Variants in MYO16 observed in about 807,000 individuals in gnomAD.
The protein encoded by MYO16 is myosin XVI, also known as unconventional myosin-XVI.
MYO16 carries 94 observed loss-of-function variants against 205.3 expected under a neutral mutation model. That is an observed-to-expected ratio of 0.46 (90% CI 0.39 to 0.54). The LOEUF is 0.54. Among genes scored for constraint, MYO16 ranks in the 20% least tolerant of loss-of-function variants. The probability of loss-of-function intolerance (pLI) is 0.00; values close to 1 mark genes in which losing one functional copy is unlikely to be tolerated. For missense variants in MYO16, 2,315 were observed against 2,387.5 expected, an observed-to-expected ratio of 0.97 and a Z score of 0.63; for synonymous variants, 988 against 954.0, an observed-to-expected ratio of 1.04 and a Z score of -0.66.
chr13:109,140,694 A>G lies in MYO16; in HGVS notation c.4482A>G (p.Pro1494=). Residue 1494 remains proline, a synonymous_variant, in exon 32 of 35, where the codon CCA becomes CCG. Coordinates refer to ENST00000457511, the MANE Select transcript of MYO16 (RefSeq NM_001198950.3). This position sits in a 1 kb window ranked among gnomAD's most constrained non-coding sequence, Gnocchi z 8.0. ...RAPEDEAAGP[P]GDACDIPPPF... Reference sequence around the variant, plus strand: ...CGGAGGACGAGGCGGCGGGGCCCCCAGGGGACGCGTGCGACATCCCGCCGC... The same window carrying G: ...CGGAGGACGAGGCGGCGGGGCCCCCGGGGGACGCGTGCGACATCCCGCCGC... The G allele has an allele frequency of 6.7e-7, 1 of 1,482,672 alleles. No homozygotes were observed. Among genetic ancestry groups the G allele is most frequent in the Non-Finnish European group, 8.9e-7 (1 of 1,118,890 alleles). 91.8% of individuals were successfully genotyped at this position (1,482,672 alleles called of 1,614,324 possible). A position where few individuals can be genotyped will look rare whatever the true frequency, so the allele number is the denominator to read the frequency against.
chr13:108,779,115 C>A (rs1886218276), intron 4 of MYO16, among the ~76,000 whole-genome samples: 1 of 152,192 alleles, frequency 6.6e-6, no homozygotes, highest in South Asian at 2.1e-4. Flanking sequence ...AGCTTGATTA[C>A]CTTGATTATT....
intron 4 of MYO16, among the ~76,000 whole-genome samples, chr13:108,737,462 T>C (rs747316916): frequency 2.7e-4 from 41 of 152,196 alleles, no homozygotes; most frequent in Non-Finnish European, 5.7e-4. Context: ...GTATGTTGAA[T>C]CAGCCTTGCA....
At chr13:109,037,726 G>A (rs1056591615) in intron 23 of MYO16, among the ~76,000 whole-genome samples, 3 of 152,138 alleles carry the variant, frequency 2.0e-5, no homozygotes, top group Non-Finnish European at 1.5e-5. Context: ...AGAGAGAGAG[G>A]TCAGCATTAC....
At chr13:109,139,459 CA>C (rs1331264309) in intron 31 of MYO16, among the ~76,000 whole-genome samples, 1 of 152,168 alleles carries the variant, frequency 6.6e-6, no homozygotes, top group East Asian at 1.9e-4. Context: ...GTCACTTCCC[CA>C]CTGCATCTCC....
chr13:108,632,153 T>C (rs904189689), intron 1 of MYO16, among the ~76,000 whole-genome samples: 2 of 151,314 alleles, frequency 1.3e-5, no homozygotes, highest in Non-Finnish European at 2.9e-5. Flanking sequence ...TCATAATTCA[T>C]GGTTTAATGG....
At chr13:109,024,360 C>G (rs56391629) in intron 23 of MYO16, among the ~76,000 whole-genome samples, 58,742 of 151,678 alleles carry the variant, frequency 0.39, 11,728 homozygotes, top group East Asian at 0.66. Context: ...GATGTGCCTT[C>G]TGAGTCTGTT....
intron 27 of MYO16, among the ~76,000 whole-genome samples, chr13:109,066,036 G>C (rs1476134610): frequency 6.6e-6 from 1 of 152,238 alleles, no homozygotes; most frequent in South Asian, 2.1e-4. Flanking sequence ...GAAATAGCCC[G>C]AACCATTTAG....
At chr13:108,967,244 A>T (rs1458037949) in intron 20 of MYO16, among the ~76,000 whole-genome samples, 2 of 152,136 alleles carry the variant, frequency 1.3e-5, no homozygotes, top group African/African-American at 4.8e-5. Context: ...AACAAGTTAT[A>T]AAGGGAAAAT....
intron 15 of MYO16, among the ~76,000 whole-genome samples, chr13:108,908,987 A>G (rs1338847175): frequency 2.0e-5 from 3 of 148,840 alleles, no homozygotes; most frequent in Admixed American, 1.4e-4. Flanking sequence ...AAAATAAAAT[A>G]AAATAAATAA....
At chr13:108,946,143 T>A (rs568463516) in intron 16 of MYO16, among the ~76,000 whole-genome samples, 88 of 152,290 alleles carry the variant, frequency 5.8e-4, no homozygotes, top group Middle Eastern at 3.4e-3. Flanking sequence ...TCTCCATCCC[T>A]TCCCTCCTCC....
intron 4 of MYO16, among the ~76,000 whole-genome samples, chr13:108,745,081 A>G: frequency 6.6e-6 from 1 of 152,224 alleles, no homozygotes; most frequent in East Asian, 1.9e-4. Context: ...TGTCTTAACA[A>G]CAAGAACAAA....
At chr13:108,581,252 A>G in the MYO16 span, among the ~76,000 whole-genome samples, 11 of 152,198 alleles carry the variant, frequency 7.2e-5, no homozygotes, top group Non-Finnish European at 2.9e-5. Flanking sequence ...GTTACCTAAT[A>G]CAGAATTTCT....
rs1224833464 is a variant in MYO16 at position 109,008,778 on chromosome 13, ACTAT to A, written c.2443-112_2443-109del. The A allele has an allele frequency of 8.7e-5, 49 of 564,112 alleles. No individual in the cohort carries two copies. The African/African-American group carries it at 9.1e-4, about 11-fold the overall frequency. The allele number at this position is 564,112 out of a possible 1,614,324, so 34.9% of individuals were successfully genotyped here. ...TACTATCTTGTGTATGCACTACTGT[ACTAT>A]CTATCTTGTGTATGCACTACTGTAC... is the stretch of plus-strand genomic sequence containing the variant. On this transcript the variant is annotated intron_variant, in intron 21 of 34. Transcript: ENST00000457511.
At chr13:108,579,906 G>T in the MYO16 span, among the ~76,000 whole-genome samples, 1 of 152,144 alleles carries the variant, frequency 6.6e-6, no homozygotes, top group East Asian at 1.9e-4. Context: ...TACAATGACT[G>T]CTATTTGTTA....
chr13:109,140,458 T>A lies in MYO16; in HGVS notation c.4246T>A (p.Cys1416Ser). The change falls in exon 32 of 35, where the codon TGC (cysteine) becomes AGC (serine). Residue 1416 changes from cysteine (C) to serine (S), a missense_variant. Physicochemically the swap from Cys to Ser is moderately radical, Grantham distance 112. This residue lies in a region of MYO16 where 1,097 missense variants were observed against 1,092.0 expected (regional missense o/e 1.00). Transcript: ENST00000457511. This position sits in a 1 kb window ranked among gnomAD's most constrained non-coding sequence, Gnocchi z 8.0. ...ARVLTPGTPQ[C>S]ALPPAAPPGD... ...CGTTCTGACCCCCGGGACTCCGCAGTGCGCGCTGCCCCCGGCGGCGCCTCC... is the reference window on the plus strand; with the variant it reads ...CGTTCTGACCCCCGGGACTCCGCAGAGCGCGCTGCCCCCGGCGGCGCCTCC... 1 of 1,541,198 alleles carries A rather than the reference T, an allele frequency of 6.5e-7. No homozygotes were observed. Among genetic ancestry groups the A allele is most frequent in the East Asian group, 2.5e-5 (1 of 40,070 alleles).
upstream of MYO16, among the ~76,000 whole-genome samples, chr13:108,625,071 A>G (rs12429400): frequency 0.095 from 14,442 of 152,184 alleles, 838 homozygotes; most frequent in Middle Eastern, 0.14. Flanking sequence ...TCTGACATGG[A>G]GAGGGCAGTT....
chr13:108,837,182 A>T (rs1876973945), intron 9 of MYO16, among the ~76,000 whole-genome samples: 1 of 152,148 alleles, frequency 6.6e-6, no homozygotes, highest in Non-Finnish European at 1.5e-5. Context: ...TGGAGTGCTC[A>T]TGAGATCTGC....
At chr13:108,619,678 G>T (rs1566508679) in intron 1 of MYO16, among the ~76,000 whole-genome samples, 1 of 152,090 alleles carries the variant, frequency 6.6e-6, no homozygotes, top group South Asian at 2.1e-4. Context: ...CTGATCGGGA[G>T]GCAGTTTGCC....
At chr13:109,023,358 A>ATAAATATATATTTATATATTATACAGC (rs1886180487) in intron 23 of MYO16, among the ~76,000 whole-genome samples, 4 of 65,600 alleles carry the variant, frequency 6.1e-5, no homozygotes, top group African/African-American at 2.4e-4. Context: ...TATTATACAG[A>ATAAATATATATTTATATATTATACAGC]TATAAATATA....
Sources: allele counts gnomAD v4.1 joint callset (sites outside exome capture counted in the v4.1 genomes callset), GRCh38; gene constraint gnomAD v4.1.1; regional missense constraint gnomAD v4.1.1; non-coding constraint Gnocchi (gnomAD v3.1); transcripts MANE v1.5; gene names NCBI Gene and HGNC (gene_info 2026-07-23, HGNC 2026-07-21).